The following DNAJC6 variants were observed in gnomAD, a reference collection of about 807,000 sequenced individuals.
DNAJC6 encodes DnaJ heat shock protein family (Hsp40) member C6.
In DNAJC6, 34 loss-of-function variants were observed where a neutral mutation model predicts 110.0. That is an observed-to-expected ratio of 0.31 (90% confidence interval 0.24 to 0.41). The LOEUF is 0.41. DNAJC6 is among the 10% of genes least tolerant of loss of function. DNAJC6 has a pLI of 1.00. For missense variants in DNAJC6, 1,031 were observed against 1,207.8 expected (o/e 0.85, Z 2.17); for synonymous variants, 406 against 437.2 (o/e 0.93, Z 0.89).
chr1:65,285,547 T>C (rs1409389866), intron 1 of DNAJC6, among the ~76,000 whole-genome samples: 3 of 152,140 alleles, frequency 2.0e-5, no homozygotes, highest in African/African-American at 7.2e-5. Flanking sequence ...TCATATAAGG[T>C]GATTGGGAAA....
intron 5 of DNAJC6, 29 bp from the exon 6 acceptor site, chr1:65,384,164 A>C (rs757602533): frequency 7.0e-7 from 1 of 1,429,556 alleles, no homozygotes; most frequent in Non-Finnish European, 9.2e-7. Context: ...GATCATGTTC[A>C]TAATGATTTT....
upstream of DNAJC6, among the ~76,000 whole-genome samples, chr1:65,304,668 G>A (rs1310781151): frequency 1.3e-5 from 2 of 152,174 alleles, no homozygotes; most frequent in East Asian, 3.9e-4. Flanking sequence ...GGTCTATTTT[G>A]CTTTCTTCTG....
chr1:65,310,663 A>G (rs1645090683), intron 1 of DNAJC6, among the ~76,000 whole-genome samples: 2 of 152,354 alleles, frequency 1.3e-5, no homozygotes, highest in South Asian at 4.1e-4. Flanking sequence ...GGGGCTTGCA[A>G]CTGTCTTTTA....
chr1:65,286,531 G>A (rs1654025813), intron 1 of DNAJC6, among the ~76,000 whole-genome samples: 1 of 152,176 alleles, frequency 6.6e-6, no homozygotes, highest in Non-Finnish European at 1.5e-5. Flanking sequence ...ACAGGTATGA[G>A]TCACTGTGCC....
Position 65,309,760 on chromosome 1 carries a change from G to T in DNAJC6, c.15G>T (p.Gly5=). The T allele has an allele frequency of 6.5e-7, 1 of 1,547,244 alleles. No individual in the cohort carries two copies. Among genetic ancestry groups the T allele is most frequent in the South Asian group, 1.2e-5 (1 of 84,024 alleles). ...CGGGCTTGCCCATGAGCCTCCTCGG[G>T]AGCTACCGGAAAAAGACCAGCAACG... MSLL[G]SYRKKTSNDG... Residue 5 remains glycine (G), a synonymous_variant, in exon 1 of 19, where the codon GGG becomes GGT. Coordinates refer to ENST00000371069, the MANE Select transcript of DNAJC6 (RefSeq NM_001256864.2).
chr1:65,282,876 A>G (rs1447331053), intron 1 of DNAJC6, among the ~76,000 whole-genome samples: 1 of 152,228 alleles, frequency 6.6e-6, no homozygotes, highest in Non-Finnish European at 1.5e-5. Context: ...TGTCACAATT[A>G]TACCTCCAGT....
At chr1:65,355,279 A>G (rs931531847) in intron 1 of DNAJC6, among the ~76,000 whole-genome samples, 1 of 151,852 alleles carries the variant, frequency 6.6e-6, no homozygotes, top group Non-Finnish European at 1.5e-5. Flanking sequence ...AAAAAAAAAA[A>G]AAAAAAAGAA....
chr1:65,336,195 CCTT>C (rs1258541002), intron 1 of DNAJC6, among the ~76,000 whole-genome samples: 2 of 152,122 alleles, frequency 1.3e-5, no homozygotes, highest in Admixed American at 6.5e-5. Flanking sequence ...GCAAACATAT[CCTT>C]CTTCATGCAG....
chr1:65,290,101 C>T (rs1293353536), intron 1 of DNAJC6, among the ~76,000 whole-genome samples: 1 of 152,126 alleles, frequency 6.6e-6, no homozygotes, highest in Non-Finnish European at 1.5e-5. Context: ...TGAGCCACTG[C>T]CTCTGTCTGA....
intron 1 of DNAJC6, among the ~76,000 whole-genome samples, chr1:65,280,835 C>G: frequency 6.6e-6 from 1 of 151,922 alleles, no homozygotes; most frequent in East Asian, 1.9e-4. Flanking sequence ...CTGGGCTTTT[C>G]TGAGTGAGTG....
At chr1:65,337,593 C>T (rs1003489288) in intron 1 of DNAJC6, among the ~76,000 whole-genome samples, 7 of 151,918 alleles carry the variant, frequency 4.6e-5, no homozygotes, top group African/African-American at 1.7e-4. Context: ...CTGGGGATTC[C>T]ACATCTGTGG....
At chr1:65,306,044 T>C (rs1645033969), upstream of DNAJC6, among the ~76,000 whole-genome samples, 1 of 151,866 alleles carries the variant, frequency 6.6e-6, no homozygotes, top group East Asian at 1.9e-4. Flanking sequence ...CCAGGAGTCA[T>C]TGGAACTAAG....
intron 1 of DNAJC6, among the ~76,000 whole-genome samples, chr1:65,324,401 C>T (rs1453788365): frequency 3.3e-5 from 5 of 151,888 alleles, no homozygotes; most frequent in Non-Finnish European, 5.9e-5. Context: ...GCCCTGTTGC[C>T]CAGGCTGGAG....
intron 4 of DNAJC6, among the ~76,000 whole-genome samples, chr1:65,368,721 T>G (rs76008810): frequency 9.1e-6 from 1 of 110,368 alleles, no homozygotes; most frequent in Non-Finnish European, 1.7e-5. Flanking sequence ...TTCTTCCTCT[T>G]CTTCTTCTTC....
intron 1 of DNAJC6, among the ~76,000 whole-genome samples, chr1:65,270,312 A>G (rs1653464030): frequency 6.6e-6 from 1 of 152,168 alleles, no homozygotes; most frequent in African/African-American, 2.4e-5. Flanking sequence ...ATACATATGC[A>G]TAGTTTAATT....
At chr1:65,309,517 C>A, upstream of DNAJC6, 10 of 875,824 alleles carry the variant, frequency 1.1e-5, no homozygotes, top group Non-Finnish European at 9.9e-6. Flanking sequence ...GCGTCTCCTT[C>A]CCTCCCTCCC....
At chr1:65,394,876 A>G (rs1273342906) in intron 12 of DNAJC6, 22 bp from the exon 13 acceptor site, 2 of 1,566,392 alleles carry the variant, frequency 1.3e-6, no homozygotes, top group Non-Finnish European at 8.6e-7. Flanking sequence ...ACAAATAAAT[A>G]TATTTTCCCA....
chr1:65,364,993 A>G (rs988585265), intron 2 of DNAJC6, among the ~76,000 whole-genome samples: 4 of 152,202 alleles, frequency 2.6e-5, no homozygotes, highest in Admixed American at 6.6e-5. Flanking sequence ...TCATTGCCAC[A>G]TTAGAGTATA....
intron 8 of DNAJC6, among the ~76,000 whole-genome samples, chr1:65,387,280 AT>A (rs1436637579): frequency 3.9e-5 from 6 of 152,156 alleles, no homozygotes; most frequent in African/African-American, 9.7e-5. Flanking sequence ...AAGGGATTGT[AT>A]TTTTTCAATT....
Sources: allele counts gnomAD v4.1 joint callset (sites outside exome capture counted in the v4.1 genomes callset), GRCh38; gene constraint gnomAD v4.1.1; transcripts MANE v1.5; gene names NCBI Gene and HGNC (gene_info 2026-07-23, HGNC 2026-07-21).